Variants in RPTOR observed in about 807,000 individuals in gnomAD.
The protein encoded by RPTOR is regulatory-associated protein of mTOR.
Under a neutral mutation model 169.9 loss-of-function variants are expected in RPTOR, and 21 were observed. The observed-to-expected ratio is 0.12, with a 90% CI of 0.09 to 0.18. The LOEUF (loss-of-function observed/expected upper bound fraction) is 0.18, where lower values mean the gene tolerates loss of function less well. RPTOR is among the 10% of genes least tolerant of loss of function. RPTOR has a pLI of 1.00. For missense variants in RPTOR, 1,133 were observed against 1,855.9 expected (o/e 0.61, Z 7.16); for synonymous variants, 732 against 753.2 (o/e 0.97, Z 0.46).
chr17:80,692,018 G>A (rs928207704), intron 3 of RPTOR, among the ~76,000 whole-genome samples: 4 of 152,214 alleles, frequency 2.6e-5, no homozygotes, highest in African/African-American at 7.2e-5. Flanking sequence ...CCACTGACGC[G>A]GTTACTGAGA....
chr17:80,787,928 T>C (rs2067010152), intron 6 of RPTOR, among the ~76,000 whole-genome samples: 2 of 152,180 alleles, frequency 1.3e-5, no homozygotes, highest in South Asian at 4.1e-4. Context: ...TGCTTTTCAT[T>C]TTAGGACGAC....
chr17:80,776,471 G>A (rs1207362988), intron 6 of RPTOR, among the ~76,000 whole-genome samples: 1 of 151,838 alleles, frequency 6.6e-6, no homozygotes, highest in African/African-American at 2.4e-5. Context: ...CTATAGGTGT[G>A]CACCACAATG....
chr17:80,927,829 C>T (rs2068831098), intron 24 of RPTOR, among the ~76,000 whole-genome samples: 1 of 151,880 alleles, frequency 6.6e-6, no homozygotes, highest in Non-Finnish European at 1.5e-5. Context: ...CCCTCCTCCG[C>T]CTGCCCTCAT....
At position 80,964,483 on chromosome 17, in the gene RPTOR, C is replaced by G. The variant is rs1397302983; in HGVS notation, c.*153C>G. ...ATGACGGCAGGAGGGCCCTGCTACT[C>G]GCTTTTGTCTGTCTTCGCTGTCGTG... On this transcript the variant is annotated 3_prime_UTR_variant, in exon 34 of 34. Coordinates refer to ENST00000306801, the MANE Select transcript of RPTOR (RefSeq NM_020761.3). 2.8e-6 allele frequency: 2 copies of G among 715,452 alleles called. No homozygotes were observed. Among genetic ancestry groups the G allele is most frequent in the Non-Finnish European group, 4.8e-6 (2 of 419,658 alleles). 44.3% of individuals were successfully genotyped at this position (715,452 alleles called of 1,614,324 possible).
chr17:80,940,521 G>A lies in RPTOR; in HGVS notation c.2945G>A (p.Ser982Asn), dbSNP rs1407228699. 2 of 1,613,786 alleles carry A rather than the reference G, an allele frequency of 1.2e-6. No individual in the cohort carries two copies. ...ATCCCAGAAGAGCACGACCTGGAGA[G>A]TCAGATCCGCAAGGAGCGGGAGTGG... is the stretch of plus-strand genomic sequence containing the variant. ...MKIPEEHDLESQIRKEREWRF... is the reference protein window; with the variant it reads ...MKIPEEHDLENQIRKEREWRF... Residue 982 changes from serine (S) to asparagine (N), a missense_variant, in exon 25 of 34, where the codon AGT becomes AAT. Around this residue, in one of 9 missense-constraint regions of RPTOR, gnomAD observed 410 missense variants for 623.7 expected, o/e 0.66. Coordinates refer to ENST00000306801, the MANE Select transcript of RPTOR (RefSeq NM_020761.3).
At chr17:80,735,314 G>A (rs1188609365) in intron 5 of RPTOR, among the ~76,000 whole-genome samples, 1 of 152,174 alleles carries the variant, frequency 6.6e-6, no homozygotes, top group African/African-American at 2.4e-5. Context: ...TGGATGAGTA[G>A]ATGTTCTTGA....
chr17:80,896,900 G>A (rs1017395108), intron 20 of RPTOR, among the ~76,000 whole-genome samples: 1 of 152,178 alleles, frequency 6.6e-6, no homozygotes, highest in Admixed American at 6.5e-5. Context: ...CAGGCATGAC[G>A]TTACCTTTCA....
intron 1 of RPTOR, among the ~76,000 whole-genome samples, chr17:80,554,719 G>A (rs2084385460): frequency 6.6e-6 from 1 of 151,272 alleles, no homozygotes; most frequent in African/African-American, 2.4e-5. Context: ...ACTCCAGCCT[G>A]GGTGACAGAG....
chr17:80,872,039 T>G (rs2068057715), intron 13 of RPTOR, among the ~76,000 whole-genome samples: 1 of 152,200 alleles, frequency 6.6e-6, no homozygotes, highest in South Asian at 2.1e-4. Flanking sequence ...TTTAATTGCC[T>G]TGATGGTCCA....
At chr17:80,868,513 G>A (rs546310747) in intron 13 of RPTOR, among the ~76,000 whole-genome samples, 4 of 152,228 alleles carry the variant, frequency 2.6e-5, no homozygotes, top group Admixed American at 6.5e-5. Flanking sequence ...TGGAACCCTC[G>A]TATGCTGCTG....
At position 80,925,531 on chromosome 17, in the gene RPTOR, G is replaced by T. The variant is rs1205619953; in HGVS notation, c.2919+51G>T. 4 of 1,416,856 alleles carry T rather than the reference G, an allele frequency of 2.8e-6. No individual in the cohort carries two copies. In the South Asian group the frequency reaches 3.5e-5, roughly 12 times the overall value. 87.8% of individuals were successfully genotyped at this position (1,416,856 alleles called of 1,614,324 possible). ...GTAGAGTCCTAGCGAACATGTGTCT[G>T]TCCCACTTCTTTGAGCATAAACGCT... On this transcript the variant is annotated intron_variant, in intron 24 of 33. Transcript: ENST00000306801.
At chr17:80,789,531 A>T (rs1909894371) in intron 6 of RPTOR, among the ~76,000 whole-genome samples, 1 of 152,162 alleles carries the variant, frequency 6.6e-6, no homozygotes, top group African/African-American at 2.4e-5. Flanking sequence ...TGGGAATATT[A>T]TCCTGTGTGC....
chr17:80,800,018 T>C (rs923576168), intron 7 of RPTOR, among the ~76,000 whole-genome samples: 2 of 152,196 alleles, frequency 1.3e-5, no homozygotes, highest in African/African-American at 4.8e-5. Context: ...CAGAGCTCTC[T>C]AGGGGTCCGT....
intron 1 of RPTOR, among the ~76,000 whole-genome samples, chr17:80,551,163 C>T (rs1191603443): frequency 1.3e-5 from 2 of 152,156 alleles, no homozygotes; most frequent in Admixed American, 6.5e-5. Context: ...TGCTGGATTA[C>T]AGGCGTGAGC....
chr17:80,548,371 G>GTTTTTTTTTT (rs34301408), intron 1 of RPTOR, among the ~76,000 whole-genome samples: 2 of 63,438 alleles, frequency 3.2e-5, no homozygotes, highest in African/African-American at 1.1e-4. Context: ...GCCTGGGGTG[G>GTTTTTTTTTT]TTTTTTTTTT....
chr17:80,720,127 T>C (rs2066272531), intron 4 of RPTOR, among the ~76,000 whole-genome samples: 1 of 152,124 alleles, frequency 6.6e-6, no homozygotes, highest in Non-Finnish European at 1.5e-5. Context: ...ACCCTGTCTC[T>C]ATTAAAAATA....
At chr17:80,559,886 C>A (rs746218801) in intron 1 of RPTOR, among the ~76,000 whole-genome samples, 25 of 152,186 alleles carry the variant, frequency 1.6e-4, no homozygotes, top group Non-Finnish European at 3.2e-4. Context: ...CTGAGGTAAA[C>A]GTTACATATG....
intron 1 of RPTOR, among the ~76,000 whole-genome samples, chr17:80,614,224 C>T (rs991297867): frequency 6.6e-6 from 1 of 152,182 alleles, no homozygotes; most frequent in African/African-American, 2.4e-5. Flanking sequence ...GAGGTGTGCT[C>T]AGGCCAGCCT....
intron 28 of RPTOR, among the ~76,000 whole-genome samples, chr17:80,950,649 A>G (rs1464733665): frequency 6.6e-6 from 1 of 151,956 alleles, no homozygotes. Context: ...CTTCTGGGGT[A>G]TGACAGCTTC....
Sources: allele counts gnomAD v4.1 joint callset (sites outside exome capture counted in the v4.1 genomes callset), GRCh38; gene constraint gnomAD v4.1.1; regional missense constraint gnomAD v4.1.1; transcripts MANE v1.5; gene names NCBI Gene and HGNC (gene_info 2026-07-23, HGNC 2026-07-21).